TMEM132C: variants seen among roughly 807,000 people sequenced by gnomAD.
The protein encoded by TMEM132C is protein phosphatase 1, regulatory subunit 152.
A neutral mutation model predicts 61.4 loss-of-function variants in TMEM132C; 29 were observed. The ratio of observed to expected loss-of-function variants is 0.47; its 90% CI spans 0.35 to 0.64. The LOEUF (loss-of-function observed/expected upper bound fraction) is 0.64. Ranked by LOEUF, TMEM132C falls within the 30% of genes least tolerant of loss-of-function variation. The pLI is 0.00. For synonymous variants in TMEM132C, 656 were observed against 633.1 expected, an observed-to-expected ratio of 1.04 and a Z score of -0.54; for missense variants, 1,408 against 1,476.9, an observed-to-expected ratio of 0.95 and a Z score of 0.76.
intron 2 of TMEM132C, among the ~76,000 whole-genome samples, chr12:128,466,148 TGCC>T (rs1298946616): frequency 1.7e-4 from 26 of 152,210 alleles, no homozygotes; most frequent in South Asian, 8.3e-4. Flanking sequence ...GAGACAGCGA[TGCC>T]GCTGCTGCGA....
At chr12:128,569,742 G>T (rs372857167) in intron 3 of TMEM132C, among the ~76,000 whole-genome samples, 3 of 152,198 alleles carry the variant, frequency 2.0e-5, no homozygotes, top group East Asian at 1.9e-4. Context: ...TCAAGGGGTT[G>T]CATTGGTTCT....
At chr12:128,374,914 G>A (rs1228312702) in intron 1 of TMEM132C, among the ~76,000 whole-genome samples, 1 of 41,574 alleles carries the variant, frequency 2.4e-5, no homozygotes, top group Non-Finnish European at 5.3e-5. Flanking sequence ...AACTCCGTCT[G>A]TCTCAAAAAA....
intron 2 of TMEM132C, among the ~76,000 whole-genome samples, chr12:128,512,961 G>A (rs749600824): frequency 9.2e-5 from 14 of 152,080 alleles, no homozygotes; most frequent in African/African-American, 3.1e-4. Context: ...TCTCAGCCAG[G>A]GGGTACAGCA....
intron 3 of TMEM132C, among the ~76,000 whole-genome samples, chr12:128,572,189 G>A (rs933313665): frequency 6.6e-6 from 1 of 151,932 alleles, no homozygotes; most frequent in African/African-American, 2.4e-5. Context: ...TAGGTCACAT[G>A]CCCACTGTGC....
chr12:128,541,793 G>A (rs536394704), intron 2 of TMEM132C, among the ~76,000 whole-genome samples: 1 of 152,134 alleles, frequency 6.6e-6, no homozygotes, highest in Non-Finnish European at 1.5e-5. Flanking sequence ...TAGTGTCAAT[G>A]CCTGTTGCAT....
At chr12:128,493,725 C>T (rs1042382964) in intron 2 of TMEM132C, among the ~76,000 whole-genome samples, 3 of 152,184 alleles carry the variant, frequency 2.0e-5, no homozygotes, top group Non-Finnish European at 4.4e-5. Context: ...GCTGAAGTTG[C>T]TTATCAGCTT....
chr12:128,325,807 A>G (rs1872492072), intron 1 of TMEM132C, among the ~76,000 whole-genome samples: 1 of 152,086 alleles, frequency 6.6e-6, no homozygotes, highest in South Asian at 2.1e-4. Context: ...GATCACCAGC[A>G]ACCCGGCTGT....
At chr12:128,302,594 A>G (rs531375211) in intron 1 of TMEM132C, among the ~76,000 whole-genome samples, 2 of 152,356 alleles carry the variant, frequency 1.3e-5, no homozygotes, top group South Asian at 4.1e-4. Context: ...CAAATTTGGT[A>G]GCAAGTTTTT....
At chr12:128,632,974 A>T (rs145956924) in intron 4 of TMEM132C, among the ~76,000 whole-genome samples, 114 of 152,306 alleles carry the variant, frequency 7.5e-4, no homozygotes, top group African/African-American at 2.6e-3. Context: ...TCCCTGAGAC[A>T]CAGTGGCTTA....
intron 3 of TMEM132C, among the ~76,000 whole-genome samples, chr12:128,579,354 G>A (rs993651173): frequency 2.0e-5 from 3 of 152,176 alleles, no homozygotes; most frequent in Non-Finnish European, 4.4e-5. Flanking sequence ...GAATGTATCA[G>A]TTGTCATGTC....
intron 2 of TMEM132C, among the ~76,000 whole-genome samples, chr12:128,501,293 G>C (rs1040623457): frequency 2.0e-5 from 3 of 152,104 alleles, no homozygotes; most frequent in Admixed American, 6.5e-5. Context: ...AATGAAGGCT[G>C]GTGGTCAATT....
chr12:128,638,310 G>T (rs943742875), intron 4 of TMEM132C, among the ~76,000 whole-genome samples: 1 of 152,212 alleles, frequency 6.6e-6, no homozygotes, highest in Non-Finnish European at 1.5e-5. Context: ...AAATAGGATT[G>T]TGTAATCCTG....
intron 1 of TMEM132C, among the ~76,000 whole-genome samples, chr12:128,303,274 A>G (rs1871655401): frequency 6.6e-6 from 1 of 152,234 alleles, no homozygotes; most frequent in Non-Finnish European, 1.5e-5. Context: ...ATCAGTAAAA[A>G]TGAGTCCAAA....
chr12:128,507,384 C>CTTTTTTTTTTTTTCTTTCTTTT (rs981514499), intron 2 of TMEM132C, among the ~76,000 whole-genome samples: 1 of 111,582 alleles, frequency 9.0e-6, no homozygotes, highest in African/African-American at 3.3e-5. Flanking sequence ...GTGTTTTTTT[C>CTTTTTTTTTTTTTCTTTCTTTT]TTTTTTTTTT....
intron 1 of TMEM132C, among the ~76,000 whole-genome samples, chr12:128,350,484 T>G (rs542001338): frequency 3.9e-5 from 6 of 152,104 alleles, no homozygotes; most frequent in Non-Finnish European, 5.9e-5. Context: ...CTGTGAATAT[T>G]TGGGGAGGAG....
intron 3 of TMEM132C, among the ~76,000 whole-genome samples, chr12:128,600,135 A>G (rs1448489472): frequency 4.6e-5 from 7 of 152,086 alleles, no homozygotes; most frequent in Admixed American, 6.5e-5. Context: ...GACGCCCGCC[A>G]CTGCGCCCGG....
intron 2 of TMEM132C, among the ~76,000 whole-genome samples, chr12:128,489,579 A>ATATC (rs924725801): frequency 2.0e-5 from 3 of 150,224 alleles, no homozygotes; most frequent in African/African-American, 7.3e-5. Context: ...ATATATATAT[A>ATATC]TATTCTGTCC....
At chr12:128,447,295 C>T (rs541452498) in intron 2 of TMEM132C, among the ~76,000 whole-genome samples, 10 of 152,298 alleles carry the variant, frequency 6.6e-5, no homozygotes, top group South Asian at 2.1e-4. Flanking sequence ...AGAAAGAATA[C>T]GGCTCTTTCC....
At chr12:128,413,298 C>CAGAAA in intron 1 of TMEM132C, among the ~76,000 whole-genome samples, 1 of 60,578 alleles carries the variant, frequency 1.7e-5, no homozygotes, top group South Asian at 1.1e-3. Flanking sequence ...GACTCTGTCT[C>CAGAAA]AAAAAAAAAA....
Sources: gnomAD v4.1 joint callset for allele counts (sites outside exome capture counted in the v4.1 genomes callset) on GRCh38, gnomAD v4.1.1 for gene constraint, MANE v1.5 for transcripts, NCBI Gene and HGNC (gene_info 2026-07-23, HGNC 2026-07-21) for gene names.